FANCA: variants seen among roughly 807,000 people sequenced by gnomAD.
FANCA encodes Fanconi anemia group A protein.
Under a neutral mutation model 194.3 loss-of-function variants are expected in FANCA, and 236 were observed. That is an observed-to-expected ratio of 1.21 (90% confidence interval 1.09 to 1.35). FANCA has a LOEUF of 1.35. Among genes scored for constraint, FANCA ranks in the 40% most tolerant of loss-of-function variants. The pLI is 0.00. For synonymous variants in FANCA, 1,014 were observed against 715.8 expected, an observed-to-expected ratio of 1.42 and a Z score of -6.65; for missense variants, 2,628 against 1,813.9, an observed-to-expected ratio of 1.45 and a Z score of -8.15.
chr16:89,768,671 A>T (rs1368732585), intron 26 of FANCA, among the ~76,000 whole-genome samples: 2 of 151,416 alleles, frequency 1.3e-5, no homozygotes, highest in Non-Finnish European at 2.9e-5. Flanking sequence ...AAAAACCAAA[A>T]ACCAAAAAAC....
At chr16:89,804,171 C>T (rs980860595) in intron 7 of FANCA, among the ~76,000 whole-genome samples, 1 of 152,124 alleles carries the variant, frequency 6.6e-6, no homozygotes, top group African/African-American at 2.4e-5. Context: ...AATGCTAAGT[C>T]GCTCATGCCA....
chr16:89,768,279 G>T (rs958810061), intron 26 of FANCA, among the ~76,000 whole-genome samples: 1 of 152,180 alleles, frequency 6.6e-6, no homozygotes, highest in Non-Finnish European at 1.5e-5. Flanking sequence ...ATTCTCACTT[G>T]TAACCAAGGA....
intron 30 of FANCA, among the ~76,000 whole-genome samples, chr16:89,757,853 C>T (rs890844606): frequency 1.1e-4 from 17 of 152,198 alleles, no homozygotes; most frequent in African/African-American, 3.9e-4. Flanking sequence ...TACCAGGTGA[C>T]AGAACAGAAA....
chr16:89,753,837 C>T (rs2038680575), intron 30 of FANCA, among the ~76,000 whole-genome samples: 1 of 152,160 alleles, frequency 6.6e-6, no homozygotes, highest in South Asian at 2.1e-4. Context: ...GGCAGATCAT[C>T]TGAGGTCAGG....
intron 38 of FANCA, 168 bp downstream of exon 38, chr16:89,740,636 C>CAA (rs371709074): frequency 0.02 from 8,938 of 448,926 alleles, no homozygotes; most frequent in Middle Eastern, 0.026. Context: ...ACCCCCATCT[C>CAA]AAAAAAAAAA....
chr16:89,810,629 G>A (rs1005575376), intron 5 of FANCA, 78 bp downstream of exon 5: 4 of 924,758 alleles, frequency 4.3e-6, no homozygotes, highest in Non-Finnish European at 7.2e-6. Flanking sequence ...GAAAACCCAG[G>A]TACTCTGTTG....
At chr16:89,767,305 T>A (rs1200367431) in intron 26 of FANCA, 68 bp from the exon 27 acceptor site, 6 of 1,139,650 alleles carry the variant, frequency 5.3e-6, no homozygotes, top group Non-Finnish European at 7.9e-6. Flanking sequence ...AAAAGTTACT[T>A]TGAATTTCAT....
At position 89,791,927 on chromosome 16, in the gene FANCA, C is replaced by G. The variant is rs768261148; in HGVS notation, c.1225G>C (p.Asp409His). ...CCACCGGGCTCGCGTAAAAGCTCAC[C>G]TTCAAGCAGCTGCTGCGCTTCTGGA... The part of the protein sequence containing the change: ...CFPEAQQLLE[D>H]WVARLMAQAF... The change falls in exon 13 of 43, where the codon GAC (aspartate) becomes CAC (histidine). Residue 409 changes from aspartate to histidine, a missense_variant and splice_region_variant. By Grantham distance (81) the Asp-to-His change is moderately conservative (BLOSUM62 -1). Transcript: ENST00000389301. 6.2e-7 allele frequency: 1 copy of G among 1,614,174 alleles called. No homozygotes were observed. Among genetic ancestry groups the G allele is most frequent in the Non-Finnish European group, 8.5e-7 (1 of 1,180,036 alleles).
At chr16:89,808,975 G>C (rs981828154) in intron 5 of FANCA, among the ~76,000 whole-genome samples, 1 of 151,576 alleles carries the variant, frequency 6.6e-6, no homozygotes, top group African/African-American at 2.4e-5. Flanking sequence ...GCGCCATCTC[G>C]GGTCACTGTA....
chr16:89,806,901 GCTC>G (rs894837764), intron 6 of FANCA, among the ~76,000 whole-genome samples: 8 of 152,246 alleles, frequency 5.3e-5, no homozygotes, highest in African/African-American at 1.9e-4. Context: ...GGGTAGAGGG[GCTC>G]CTCACTTCCC....
At chr16:89,739,400 C>T in intron 40 of FANCA, 78 bp downstream of exon 40, 3 of 1,568,312 alleles carry the variant, frequency 1.9e-6, no homozygotes, top group Non-Finnish European at 1.7e-6. Flanking sequence ...CCCTTCCCAT[C>T]TGGCGGGACC....
At chr16:89,739,907 T>C (rs779016662) in intron 39 of FANCA, 87 bp downstream of exon 39, 5 of 1,588,640 alleles carry the variant, frequency 3.1e-6, no homozygotes, top group Non-Finnish European at 4.3e-6. Flanking sequence ...GCAAGGAACC[T>C]CAAGGAGGGC....
Position 89,799,190 on chromosome 16 carries a change from G to C in FANCA, c.869C>G (p.Ser290Cys), listed in dbSNP as rs185984960. The change falls in exon 10 of 43, where the codon TCC becomes TGC. Residue 290 changes from serine to cysteine, a missense_variant. Physicochemically the swap from Ser to Cys is moderately radical, Grantham distance 112. Coordinates refer to ENST00000389301, the MANE Select transcript of FANCA (RefSeq NM_000135.4). ...CCAGCACCTCACGATCTTGTGAGTG[G>C]AGGACTCCTCCTGTACTCCAGCAGC... ...ALAAGVQEES[S>C]THKIVRCWFG... 6.2e-7 allele frequency: 1 copy of C among 1,614,156 alleles called. No individual in the cohort carries two copies. Among genetic ancestry groups the C allele is most frequent in the East Asian group, 2.2e-5 (1 of 44,878 alleles).
intron 19 of FANCA, 30 bp from the exon 20 acceptor site, chr16:89,778,880 C>A: frequency 1.9e-6 from 3 of 1,613,836 alleles, no homozygotes; most frequent in Non-Finnish European, 2.5e-6. Flanking sequence ...CTGTGAGAGA[C>A]TGACAAGGAA....
At chr16:89,750,907 T>C (rs2038566247) in intron 31 of FANCA, among the ~76,000 whole-genome samples, 1 of 151,012 alleles carries the variant, frequency 6.6e-6, no homozygotes, top group Non-Finnish European at 1.5e-5. Flanking sequence ...GTTGTTGTTG[T>C]TGTTAGGACA....
intron 21 of FANCA, 36 bp downstream of exon 21, chr16:89,775,706 C>G: frequency 6.4e-7 from 1 of 1,559,320 alleles, no homozygotes; most frequent in Non-Finnish European, 8.8e-7. Flanking sequence ...TGGAAAAGCA[C>G]AAGTCCCAGA....
chr16:89,767,292 G>T, intron 26 of FANCA, 55 bp from the exon 27 acceptor site: 1 of 1,261,676 alleles, frequency 7.9e-7, no homozygotes, highest in Non-Finnish European at 1.2e-6. Context: ...AAGGGATGAA[G>T]GAAAAAGTTA....
At chr16:89,779,846 G>A (rs1476209560) in intron 18 of FANCA, 23 bp downstream of exon 18, 2 of 1,604,772 alleles carry the variant, frequency 1.2e-6, no homozygotes, top group African/African-American at 2.7e-5. Context: ...GCTGCTAGAG[G>A]CCTTTTCGGC....
chr16:89,746,633 A>T lies in FANCA; in HGVS notation c.3464T>A (p.Ile1155Lys), dbSNP rs767859053. The change falls in exon 35 of 43, where the codon ATA (isoleucine) becomes AAA (lysine). Residue 1155 changes from isoleucine (I) to lysine (K), a missense_variant. Ile to Lys is a moderately radical substitution (Grantham distance 102). Transcript: ENST00000389301. The part of the protein sequence containing the change: ...SRDPSLMVDF[I>K]LAKCQTKCPL... ...GCATTTCGTCTGGCACTTGGCCAGT[A>T]TGAAGTCGACCATCAGGGAGGGGTC... 6.2e-7 allele frequency: 1 copy of T among 1,614,202 alleles called. No homozygotes were observed. Among genetic ancestry groups the T allele is most frequent in the Non-Finnish European group, 8.5e-7 (1 of 1,180,026 alleles).
Sources: allele counts gnomAD v4.1 joint callset (sites outside exome capture counted in the v4.1 genomes callset), GRCh38; gene constraint gnomAD v4.1.1; transcripts MANE v1.5; gene names NCBI Gene and HGNC (gene_info 2026-07-23, HGNC 2026-07-21).